Variants in RPTOR observed in about 807,000 individuals in gnomAD.
RPTOR encodes regulatory-associated protein of mTOR.
Under a neutral mutation model 169.9 loss-of-function variants are expected in RPTOR, and 21 were observed. The observed-to-expected ratio is 0.12, with a 90% CI of 0.09 to 0.18. RPTOR has a LOEUF of 0.18. RPTOR is among the 10% of genes least tolerant of loss of function. The probability of loss-of-function intolerance (pLI) is 1.00; values close to 1 mark genes in which losing one functional copy is unlikely to be tolerated. For missense variants in RPTOR, 1,133 were observed against 1,855.9 expected (o/e 0.61, Z 7.16); for synonymous variants, 732 against 753.2 (o/e 0.97, Z 0.46).
intron 2 of RPTOR, among the ~76,000 whole-genome samples, chr17:80,641,061 C>T (rs1567834823): frequency 6.6e-6 from 1 of 152,352 alleles, no homozygotes; most frequent in Non-Finnish European, 1.5e-5. Context: ...TTTCCTTTGC[C>T]TTGTTTGTGT....
intron 3 of RPTOR, among the ~76,000 whole-genome samples, chr17:80,700,622 G>GTGATGGTGA (rs2066082944): frequency 6.7e-6 from 1 of 149,156 alleles, no homozygotes; most frequent in East Asian, 2.0e-4. Flanking sequence ...GATGGTGGTG[G>GTGATGGTGA]TGGTGGCGGC....
intron 14 of RPTOR, 31 bp from the exon 15 acceptor site, chr17:80,883,388 G>C (rs779435163): frequency 3.1e-6 from 5 of 1,607,822 alleles, no homozygotes; most frequent in Non-Finnish European, 4.3e-6. Context: ...CCACTGAGGG[G>C]AGACGACCAG....
intron 6 of RPTOR, among the ~76,000 whole-genome samples, chr17:80,767,115 A>G (rs1456990599): frequency 1.3e-5 from 2 of 152,196 alleles, no homozygotes; most frequent in Non-Finnish European, 2.9e-5. Flanking sequence ...GCTCATGCCT[A>G]TAATCCCAGC....
chr17:80,866,407 A>C (rs545083825), intron 13 of RPTOR, among the ~76,000 whole-genome samples: 2 of 152,330 alleles, frequency 1.3e-5, no homozygotes, highest in East Asian at 3.9e-4. Context: ...GCGTGAGTGG[A>C]GTAAACCCAA....
chr17:80,779,216 A>G (rs2066917010), intron 6 of RPTOR, among the ~76,000 whole-genome samples: 1 of 152,188 alleles, frequency 6.6e-6, no homozygotes, highest in Non-Finnish European at 1.5e-5. Flanking sequence ...CTGGCTTTCC[A>G]TTCAGTGGTT....
At chr17:80,555,312 C>T (rs968835483) in intron 1 of RPTOR, among the ~76,000 whole-genome samples, 2 of 152,168 alleles carry the variant, frequency 1.3e-5, no homozygotes, top group Admixed American at 6.5e-5. Context: ...TGTGAAGAGC[C>T]TGTGTGATTG....
intron 14 of RPTOR, among the ~76,000 whole-genome samples, chr17:80,882,550 TCA>T (rs771533945): frequency 6.6e-6 from 1 of 152,078 alleles, no homozygotes; most frequent in Non-Finnish European, 1.5e-5. Context: ...TGCACCCAGC[TCA>T]GTCACCACTC....
chr17:80,858,820 G>T (rs548423912), intron 13 of RPTOR, among the ~76,000 whole-genome samples: 8 of 152,324 alleles, frequency 5.3e-5, no homozygotes, highest in African/African-American at 1.9e-4. Context: ...ACGCAGGGAG[G>T]CCCCATCCAC....
chr17:80,810,503 T>C (rs1049191892), intron 7 of RPTOR, among the ~76,000 whole-genome samples: 4 of 152,244 alleles, frequency 2.6e-5, no homozygotes, highest in African/African-American at 9.6e-5. Context: ...TCTATCTTTA[T>C]TGGCATAAAG....
chr17:80,548,524 GGC>G (rs2084307100), intron 1 of RPTOR, among the ~76,000 whole-genome samples: 1 of 151,738 alleles, frequency 6.6e-6, no homozygotes, highest in African/African-American at 2.4e-5. Context: ...TGGGATTACA[GGC>G]GCCTGGCTAG....
At chr17:80,672,643 A>C (rs1351802302) in intron 3 of RPTOR, among the ~76,000 whole-genome samples, 1 of 152,014 alleles carries the variant, frequency 6.6e-6, no homozygotes, top group Non-Finnish European at 1.5e-5. Flanking sequence ...AGAAAAAATT[A>C]GCCGGGTGTG....
chr17:80,708,005 T>C lies in RPTOR; in HGVS notation c.507+6T>C. The C allele has an allele frequency of 6.2e-7, 1 of 1,610,064 alleles. No individual in the cohort carries two copies. The highest frequency in any genetic ancestry group is 8.5e-7 in the Non-Finnish European group (1 of 1,178,182). On this transcript the variant is annotated splice_donor_region_variant and intron_variant, in intron 4 of 33. Coordinates refer to ENST00000306801, the MANE Select transcript of RPTOR (RefSeq NM_020761.3). This position sits in a 1 kb window ranked among gnomAD's most constrained non-coding sequence, Gnocchi z 4.2. ...AGGTCTGGGTCTTCAACAAGGTGGG[T>C]GTGCCTTCCAGCTTCCTTCCCGTTT...
intron 20 of RPTOR, among the ~76,000 whole-genome samples, chr17:80,908,502 C>T (rs1009396673): frequency 1.3e-5 from 2 of 152,216 alleles, no homozygotes; most frequent in Non-Finnish European, 2.9e-5. Flanking sequence ...GACGCTCCTC[C>T]GGGAGTGTGG....
At chr17:80,615,211 C>A (rs1026470047) in intron 1 of RPTOR, among the ~76,000 whole-genome samples, 1 of 152,172 alleles carries the variant, frequency 6.6e-6, no homozygotes, top group African/African-American at 2.4e-5. Flanking sequence ...AGCTGCTGAG[C>A]AACTGAGACA....
At chr17:80,943,747 A>G (rs1291547888) in intron 25 of RPTOR, among the ~76,000 whole-genome samples, 1 of 149,952 alleles carries the variant, frequency 6.7e-6, no homozygotes, top group Non-Finnish European at 1.5e-5. Flanking sequence ...AGTAAGAGCC[A>G]GTCAGGTGAG....
At chr17:80,693,967 C>G (rs982300925) in intron 3 of RPTOR, among the ~76,000 whole-genome samples, 2 of 152,224 alleles carry the variant, frequency 1.3e-5, no homozygotes, top group Non-Finnish European at 2.9e-5. Flanking sequence ...CGATGCTCTG[C>G]GCAGAAACGG....
chr17:80,937,682 G>A (rs2068970867), intron 24 of RPTOR, among the ~76,000 whole-genome samples: 2 of 152,236 alleles, frequency 1.3e-5, no homozygotes, highest in South Asian at 2.1e-4. Flanking sequence ...TTACTGAAAA[G>A]CCTTTATTCA....
chr17:80,632,530 G>A (rs2065450211), intron 2 of RPTOR, among the ~76,000 whole-genome samples: 1 of 152,208 alleles, frequency 6.6e-6, no homozygotes, highest in African/African-American at 2.4e-5. Context: ...CAGCAAATGA[G>A]ATTTCTAAAA....
At chr17:80,741,273 G>A (rs2066479542) in intron 5 of RPTOR, among the ~76,000 whole-genome samples, 1 of 152,188 alleles carries the variant, frequency 6.6e-6, no homozygotes, top group Admixed American at 6.5e-5. Flanking sequence ...CTCCCTGGCA[G>A]TGTGGGGGCC....
Sources: allele counts gnomAD v4.1 joint callset (sites outside exome capture counted in the v4.1 genomes callset), GRCh38; gene constraint gnomAD v4.1.1; non-coding constraint Gnocchi (gnomAD v3.1); transcripts MANE v1.5; gene names NCBI Gene and HGNC (gene_info 2026-07-23, HGNC 2026-07-21).